PCNX2: variants seen among roughly 807,000 people sequenced by gnomAD.
The protein encoded by PCNX2 is pecanex-like protein 2.
PCNX2 carries 168 observed loss-of-function variants against 223.8 expected under a neutral mutation model. The observed-to-expected ratio is 0.75, with a 90% CI of 0.66 to 0.85. The LOEUF (loss-of-function observed/expected upper bound fraction) is 0.85, where lower values mean the gene tolerates loss of function less well. Among genes scored for constraint, PCNX2 ranks in the 40% least tolerant of loss-of-function variants. The pLI is 0.00. For missense variants in PCNX2, 2,507 were observed against 2,675.5 expected (o/e 0.94, Z 1.39); for synonymous variants, 1,006 against 1,052.6 (o/e 0.96, Z 0.86).
intron 3 of PCNX2, 75 bp from the exon 4 acceptor site, chr1:233,261,396 G>T: frequency 1.5e-6 from 2 of 1,348,928 alleles, no homozygotes; most frequent in South Asian, 2.3e-5. Flanking sequence ...GGCAATAACT[G>T]ACAGCAGTCA....
At chr1:233,288,652 C>T (rs1447943188) in intron 1 of PCNX2, among the ~76,000 whole-genome samples, 1 of 152,106 alleles carries the variant, frequency 6.6e-6, no homozygotes, top group Admixed American at 6.5e-5. Context: ...AAGCAGAGCC[C>T]TCCACACAGG....
At chr1:233,153,254 G>A (rs1236004967) in intron 19 of PCNX2, among the ~76,000 whole-genome samples, 1 of 152,120 alleles carries the variant, frequency 6.6e-6, no homozygotes, top group Non-Finnish European at 1.5e-5. Flanking sequence ...CTCTTCTCAG[G>A]GGCGACTGAG....
In PCNX2 at chr1:233,160,397, C is replaced by T. The variant is rs548517254; in HGVS notation, c.3403G>A (p.Ala1135Thr). 6.2e-7 allele frequency: 1 copy of T among 1,613,784 alleles called. No individual in the cohort carries two copies. Among genetic ancestry groups the T allele is most frequent in the Admixed American group, 1.7e-5 (1 of 60,006 alleles). Reference sequence around the variant, plus strand: ...ACGTAATGTGTTACAAACCCCACGGCTCCAGCCAAGGCAAACAGCACGATG... The same window carrying T: ...ACGTAATGTGTTACAAACCCCACGGTTCCAGCCAAGGCAAACAGCACGATG... ...LSIVLFALAG[A>T]VGFVTHYVLP... The change falls in exon 19 of 34, where the codon GCC (alanine) becomes ACC (threonine). Residue 1135 changes from alanine (A) to threonine (T), a missense_variant. Ala to Thr is a moderately conservative substitution (Grantham distance 58, BLOSUM62 0). Transcript: ENST00000258229.
intron 1 of PCNX2, chr1:233,285,196 T>C (rs1247676776): frequency 5.9e-6 from 1 of 168,428 alleles, no homozygotes; most frequent in African/African-American, 2.4e-5. Flanking sequence ...CTACAAAAAA[T>C]AAGAAATTAG....
intron 12 of PCNX2, among the ~76,000 whole-genome samples, chr1:233,213,500 G>T (rs573998746): frequency 6.6e-6 from 1 of 152,100 alleles, no homozygotes; most frequent in African/African-American, 2.4e-5. Context: ...TGGGAATGGG[G>T]TATACAGACA....
At chr1:233,086,723 A>G (rs61660991) in intron 23 of PCNX2, among the ~76,000 whole-genome samples, 15,023 of 152,122 alleles carry the variant, frequency 0.099, 861 homozygotes, top group African/African-American at 0.15. Context: ...CAGTTCCTCC[A>G]TCAGACTAGC....
At position 233,295,353 on chromosome 1, in the gene PCNX2, G is replaced by T. The variant is rs921872690; in HGVS notation, c.126C>A (p.Leu42=). Residue 42 remains leucine (L), a synonymous_variant, in exon 1 of 34, where the codon CTC becomes CTA. Coordinates refer to ENST00000258229, the MANE Select transcript of PCNX2 (RefSeq NM_014801.4). The surrounding 1 kb of genome is among the most constrained non-coding windows in gnomAD (Gnocchi z 4.1). The part of the protein sequence containing the change: ...NSCHLYLWLF[L]LLLPLALHLA... ...GGTGCAGGGCCAGGGGCAGCAGCAG[G>T]AGGAACAGCCACAGGTAGAGGTGGC... is the stretch of plus-strand genomic sequence containing the variant. 2 of 1,571,776 alleles carry T rather than the reference G, an allele frequency of 1.3e-6. No homozygotes were observed. The highest frequency in any genetic ancestry group is 2.7e-5 in the African/African-American group (2 of 74,020).
At chr1:233,029,305 T>C (rs551143588) in intron 25 of PCNX2, among the ~76,000 whole-genome samples, 1 of 152,328 alleles carries the variant, frequency 6.6e-6, no homozygotes, top group African/African-American at 2.4e-5. Context: ...CCTCCAATGA[T>C]ATAAGACATT....
intron 21 of PCNX2, among the ~76,000 whole-genome samples, chr1:233,102,603 T>C (rs1023356489): frequency 6.6e-6 from 1 of 152,192 alleles, no homozygotes; most frequent in Admixed American, 6.5e-5. Flanking sequence ...GTTTCACTTC[T>C]CTGATGATTA....
chr1:233,220,920 G>A (rs1349661019), intron 10 of PCNX2, among the ~76,000 whole-genome samples: 1 of 152,072 alleles, frequency 6.6e-6, no homozygotes, highest in African/African-American at 2.4e-5. Flanking sequence ...TGATAGATAC[G>A]TATACAGATT....
chr1:233,059,546 C>T (rs1270207295), intron 23 of PCNX2, among the ~76,000 whole-genome samples: 1 of 150,604 alleles, frequency 6.6e-6, no homozygotes, highest in Non-Finnish European at 1.5e-5. Context: ...CTTTACTTTA[C>T]ACCACATCAT....
At chr1:233,007,307 G>A (rs1197199662) in intron 28 of PCNX2, among the ~76,000 whole-genome samples, 1 of 151,610 alleles carries the variant, frequency 6.6e-6, no homozygotes, top group African/African-American at 2.4e-5. Context: ...CATTCCATAG[G>A]CTCCTCTCAT....
At chr1:233,212,425 A>C (rs1176418913) in intron 12 of PCNX2, among the ~76,000 whole-genome samples, 1 of 152,240 alleles carries the variant, frequency 6.6e-6, no homozygotes, top group Non-Finnish European at 1.5e-5. Context: ...AAAATTGAAA[A>C]GAAATAGGCA....
At chr1:233,074,837 G>A (rs944575858) in intron 23 of PCNX2, among the ~76,000 whole-genome samples, 1 of 151,972 alleles carries the variant, frequency 6.6e-6, no homozygotes, top group African/African-American at 2.4e-5. Context: ...AAAATCATTT[G>A]CCATTAAGGA....
chr1:233,093,628 C>T (rs1674000087), intron 22 of PCNX2, among the ~76,000 whole-genome samples: 3 of 151,954 alleles, frequency 2.0e-5, no homozygotes, highest in Admixed American at 1.3e-4. Context: ...TCTACCTTTA[C>T]AACTGATGAA....
At chr1:233,032,027 G>C in intron 25 of PCNX2, 1 of 983,634 alleles carries the variant, frequency 1.0e-6, no homozygotes, top group Non-Finnish European at 1.2e-6. Context: ...ACACTGGCTT[G>C]CTGTACATTA....
At chr1:233,154,541 C>T (rs1303170504) in intron 19 of PCNX2, among the ~76,000 whole-genome samples, 1 of 152,192 alleles carries the variant, frequency 6.6e-6, no homozygotes, top group African/African-American at 2.4e-5. Flanking sequence ...AGAAAACCTT[C>T]CTTTAGTGAA....
the PCNX2 span, among the ~76,000 whole-genome samples, chr1:233,307,900 T>C: frequency 6.6e-6 from 1 of 152,112 alleles, no homozygotes; most frequent in South Asian, 2.1e-4. Flanking sequence ...AGCAAAACAG[T>C]CACTTAAGCA....
the PCNX2 span, among the ~76,000 whole-genome samples, chr1:233,305,617 T>C: frequency 3.9e-5 from 6 of 152,234 alleles, no homozygotes; most frequent in Admixed American, 3.9e-4. Context: ...AGCTAATTTT[T>C]ATAATTTTTA....
Sources: gnomAD v4.1 joint callset for allele counts (sites outside exome capture counted in the v4.1 genomes callset) on GRCh38, gnomAD v4.1.1 for gene constraint, Gnocchi (gnomAD v3.1) non-coding constraint, MANE v1.5 for transcripts, NCBI Gene and HGNC (gene_info 2026-07-23, HGNC 2026-07-21) for gene names.